Variants in HECW2 observed in about 807,000 individuals in gnomAD.
The protein encoded by HECW2 is HECT, C2 and WW domain containing E3 ubiquitin protein ligase 2.
In HECW2, 61 loss-of-function variants were observed where a neutral mutation model predicts 175.2. That is an observed-to-expected ratio of 0.35 (90% CI 0.28 to 0.43). HECW2 has a LOEUF of 0.43. Among genes scored for constraint, HECW2 ranks in the 20% least tolerant of loss-of-function variants. The pLI, the probability that HECW2 is intolerant of heterozygous loss-of-function variation, is 1.00. For synonymous variants in HECW2, 671 were observed against 731.0 expected (o/e 0.92, Z 1.32); for missense variants, 1,524 against 2,000.5 (o/e 0.76, Z 4.54).
intron 2 of HECW2, among the ~76,000 whole-genome samples, chr2:196,355,099 A>C (rs10183987): frequency 0.27 from 40,473 of 152,184 alleles, 7,095 homozygotes; most frequent in African/African-American, 0.5. Context: ...TTTATGGTGG[A>C]TATTGTAAAA....
At chr2:196,286,271 C>T (rs1298567730) in intron 14 of HECW2, among the ~76,000 whole-genome samples, 1 of 152,004 alleles carries the variant, frequency 6.6e-6, no homozygotes, top group East Asian at 1.9e-4. Flanking sequence ...CAACTTACAG[C>T]TGTGGAAGAG....
intron 1 of HECW2, among the ~76,000 whole-genome samples, chr2:196,487,853 A>G (rs1687060096): frequency 6.6e-6 from 1 of 152,234 alleles, no homozygotes; most frequent in African/African-American, 2.4e-5. Context: ...TATCAATGAC[A>G]TCTGTCCAGA....
chr2:196,231,472 G>A (rs1039742918), intron 21 of HECW2, among the ~76,000 whole-genome samples: 1 of 152,160 alleles, frequency 6.6e-6, no homozygotes, highest in Non-Finnish European at 1.5e-5. Flanking sequence ...GGTCCAATCT[G>A]CCCCACCCTC....
At chr2:196,547,847 T>C (rs1689476042) in intron 1 of HECW2, among the ~76,000 whole-genome samples, 1 of 152,152 alleles carries the variant, frequency 6.6e-6, no homozygotes, top group Non-Finnish European at 1.5e-5. Flanking sequence ...AGCTTCACAG[T>C]CAGTGAGGAA....
intron 2 of HECW2, among the ~76,000 whole-genome samples, chr2:196,412,500 T>C (rs1457100771): frequency 1.3e-5 from 2 of 152,232 alleles, no homozygotes; most frequent in East Asian, 3.8e-4. Context: ...GAAGGCACAG[T>C]CCTTATTCAC....
intron 13 of HECW2, among the ~76,000 whole-genome samples, chr2:196,294,535 T>C (rs2105650388): frequency 6.6e-6 from 1 of 152,336 alleles, no homozygotes; most frequent in South Asian, 2.1e-4. Flanking sequence ...TTATCTATTT[T>C]AGTCTAAGAC....
In HECW2 at chr2:196,432,714, A is replaced by T. The variant is rs141416712; in HGVS notation, c.292+418T>A. ...TCTTAACAAAACTCAAATTTTAGAA[A>T]ATACAGAGCTTTTAAAATATGTCAT... On this transcript the variant is annotated intron_variant, in intron 2 of 28. Coordinates refer to ENST00000644978, the MANE Select transcript of HECW2 (RefSeq NM_001348768.2). Among the ~76,000 whole-genome samples, 11 of 152,360 alleles carry T rather than the reference A, an allele frequency of 7.2e-5. No homozygotes were observed. The East Asian group carries it at 2.1e-3, about 29-fold the overall frequency.
intron 1 of HECW2, among the ~76,000 whole-genome samples, chr2:196,566,197 C>T (rs1297767200): frequency 1.3e-5 from 2 of 151,418 alleles, no homozygotes; most frequent in African/African-American, 4.9e-5. Flanking sequence ...TCAAAACCTA[C>T]TTATGCTTTA....
rs768937552 is a variant in HECW2 at position 196,319,202 on chromosome 2, C to T, written c.1688G>A (p.Gly563Asp). Reference sequence around the variant, plus strand: ...TTGAGAGCCACACAGTTCAGCACTGCCCTGGTCAGCACTGGGTTGAGGCTC... The same window carrying T: ...TTGAGAGCCACACAGTTCAGCACTGTCCTGGTCAGCACTGGGTTGAGGCTC... The part of the protein sequence containing the change: ...GPEPQPSADQ[G>D]SAELCGSQEV... The change falls in exon 9 of 29, where the codon GGC becomes GAC. Residue 563 changes from glycine (G) to aspartate (D), a missense_variant. By Grantham distance (94) the Gly-to-Asp change is moderately conservative. Transcript: ENST00000644978. 5.0e-6 allele frequency: 8 copies of T among 1,596,976 alleles called. No homozygotes were observed. Among genetic ancestry groups the T allele is most frequent in the Non-Finnish European group, 6.8e-6 (8 of 1,171,506 alleles).
chr2:196,320,422 T>C lies in HECW2; in HGVS notation c.902A>G (p.Tyr301Cys). The C allele has an allele frequency of 6.2e-7, 1 of 1,611,208 alleles. No individual in the cohort carries two copies. The highest frequency in any genetic ancestry group is 8.5e-7 in the Non-Finnish European group (1 of 1,177,664). ...RQAIGDQMLS[Y>C]NLGRRLPADH... is the part of the protein sequence containing the mutation. ...AGCTGGGAGCCTTCTGCCAAGGTTG[T>C]AGCTGAGCATTTGATCACTGCAAGA... The change falls in exon 8 of 29, where the codon TAC becomes TGC. Residue 301 changes from tyrosine to cysteine, a missense_variant. Tyr to Cys is a radical substitution (Grantham distance 194, BLOSUM62 -2). This residue lies in a region of HECW2 where 95 missense variants were observed against 136.8 expected (regional missense o/e 0.69). Transcript: ENST00000644978.
chr2:196,569,340 TCTAAACTAAA>T (rs200812711), intron 1 of HECW2, among the ~76,000 whole-genome samples: 1,837 of 149,378 alleles, frequency 0.012, 40 homozygotes, highest in African/African-American at 0.043. Context: ...AGACACTGTC[TCTAAACTAAA>T]CTAAACTAAA....
At chr2:196,400,287 C>T (rs971583989) in intron 2 of HECW2, among the ~76,000 whole-genome samples, 1 of 152,176 alleles carries the variant, frequency 6.6e-6, no homozygotes, top group Admixed American at 6.5e-5. Flanking sequence ...AATTGCATCA[C>T]TCCTGTTACA....
chr2:196,300,311 T>G (rs1015478731), intron 13 of HECW2, among the ~76,000 whole-genome samples: 1 of 152,234 alleles, frequency 6.6e-6, no homozygotes. Context: ...TGGCCCTTTA[T>G]AGGAAAAGTT....
intron 22 of HECW2, among the ~76,000 whole-genome samples, 187 bp downstream of exon 22, chr2:196,227,915 G>A (rs1310389138): frequency 6.6e-6 from 1 of 152,172 alleles, no homozygotes; most frequent in Non-Finnish European, 1.5e-5. Context: ...AACAGATCTA[G>A]TCCTAGCTTG....
chr2:196,443,706 A>G (rs930490342), intron 1 of HECW2, among the ~76,000 whole-genome samples: 3 of 152,266 alleles, frequency 2.0e-5, no homozygotes, highest in Non-Finnish European at 4.4e-5. Flanking sequence ...TTGCTTTTAT[A>G]TCAACCACTT....
chr2:196,298,897 T>A (rs768204294), intron 13 of HECW2, among the ~76,000 whole-genome samples: 5 of 152,222 alleles, frequency 3.3e-5, no homozygotes, highest in Non-Finnish European at 7.3e-5. Flanking sequence ...CAAAAAACCC[T>A]AGACAATAAA....
At chr2:196,366,959 AG>A (rs939037453) in intron 2 of HECW2, among the ~76,000 whole-genome samples, 1 of 152,224 alleles carries the variant, frequency 6.6e-6, no homozygotes, top group Non-Finnish European at 1.5e-5. Context: ...AAACTAGTAG[AG>A]AAAGATGTAA....
At chr2:196,220,265 C>T in intron 25 of HECW2, 112 bp from the exon 26 acceptor site, 2 of 684,096 alleles carry the variant, frequency 2.9e-6, no homozygotes, top group South Asian at 1.7e-5. Context: ...ATGTGTGTAC[C>T]TTGTGTTGGC....
At chr2:196,547,230 C>T (rs1391961461) in intron 1 of HECW2, among the ~76,000 whole-genome samples, 1 of 152,012 alleles carries the variant, frequency 6.6e-6, no homozygotes, top group African/African-American at 2.4e-5. Flanking sequence ...TCAGGGGCAC[C>T]CCAGCATTCC....
Sources: gnomAD v4.1 joint callset for allele counts (sites outside exome capture counted in the v4.1 genomes callset) on GRCh38, gnomAD v4.1.1 for gene constraint, gnomAD v4.1.1 regional missense constraint, MANE v1.5 for transcripts, NCBI Gene and HGNC (gene_info 2026-07-23, HGNC 2026-07-21) for gene names.